Variants in TMEM47 observed in about 807,000 individuals in gnomAD.
The protein encoded by TMEM47 is transmembrane protein 47.
In TMEM47, 3 loss-of-function variants were observed where a neutral mutation model predicts 12.4. The observed-to-expected ratio is 0.24, with a 90% CI of 0.11 to 0.63. TMEM47 has a LOEUF of 0.63. TMEM47 is among the 20% of genes least tolerant of loss of function. TMEM47 has a pLI of 0.86. For missense variants in TMEM47, 89 were observed against 143.8 expected (o/e 0.62, Z 1.95); for synonymous variants, 62 against 63.3 (o/e 0.98, Z 0.10).
chrX:34,627,363 T>G lies in TMEM47; in HGVS notation c.*2950A>C, dbSNP rs1470781806. ...TTACTTTTAAGACAGATGAAATTTC[T>G]AGGCACAGCTTTAGGCATTAAAGAG... On this transcript the variant is annotated 3_prime_UTR_variant, in exon 3 of 3. Transcript: ENST00000275954. 8.9e-6 allele frequency: 1 copy of G among 112,211 alleles called. No individual in the cohort carries two copies. Among genetic ancestry groups the G allele is most frequent in the Non-Finnish European group, 1.9e-5 (1 of 53,133 alleles). The allele number at this position is 112,211 out of a possible 1,213,427, so 9.2% of individuals were successfully genotyped here.
chrX:34,640,947 A>C (rs1472642384), intron 1 of TMEM47, among the ~76,000 whole-genome samples: 1 of 111,403 alleles, frequency 9.0e-6, no homozygotes, highest in African/African-American at 3.3e-5. Context: ...AGTCACAACA[A>C]AGTGGAGAGC....
intron 1 of TMEM47, among the ~76,000 whole-genome samples, chrX:34,644,859 G>T (rs1335636400): frequency 1.8e-5 from 2 of 111,350 alleles, no homozygotes; most frequent in African/African-American, 6.5e-5. Flanking sequence ...ACTCACATTT[G>T]TCAGACTGGC....
intron 1 of TMEM47, among the ~76,000 whole-genome samples, chrX:34,641,092 A>G (rs1162390250): frequency 8.4e-5 from 2 of 23,818 alleles, no homozygotes; most frequent in African/African-American, 4.6e-4. Context: ...TTTGAATTAA[A>G]AAGCCAAAAA....
At position 34,655,932 on chromosome X, in the gene TMEM47, A is replaced by C. The variant is rs372172596; in HGVS notation, c.226+872T>G. Among the ~76,000 whole-genome samples the C allele has an allele frequency of 2.7e-5, 3 of 111,910 alleles. No individual in the cohort carries two copies. The East Asian group carries it at 8.4e-4, about 31-fold the overall frequency. On this transcript the variant is annotated intron_variant, in intron 1 of 2. Coordinates refer to ENST00000275954, the MANE Select transcript of TMEM47 (RefSeq NM_031442.4). The stretch of plus-strand genomic sequence containing the variant: ...AATCATAAGTTGACTGATTTTTGCT[A>C]AGGGCATAACTGGGGCGCCGGGGAA...
intron 1 of TMEM47, among the ~76,000 whole-genome samples, chrX:34,648,938 G>A (rs747974743): frequency 8.9e-6 from 1 of 112,133 alleles, no homozygotes; most frequent in Non-Finnish European, 1.9e-5. Flanking sequence ...ACAAGCATAT[G>A]CATAAAAAGC....
At chrX:34,633,557 C>T (rs772642275) in intron 2 of TMEM47, among the ~76,000 whole-genome samples, 16 of 111,450 alleles carry the variant, frequency 1.4e-4, no homozygotes, top group African/African-American at 2.3e-4. Context: ...TGAACCATAT[C>T]TGGGGTCTAG....
intron 1 of TMEM47, among the ~76,000 whole-genome samples, chrX:34,641,145 GA>G (rs1212888147): frequency 9.1e-6 from 1 of 110,232 alleles, no homozygotes; most frequent in African/African-American, 3.3e-5. Context: ...AATTTCTTGG[GA>G]AAAGTTTACA....
At chrX:34,651,077 C>T (rs1396496115) in intron 1 of TMEM47, among the ~76,000 whole-genome samples, 1 of 111,771 alleles carries the variant, frequency 8.9e-6, no homozygotes, top group African/African-American at 3.3e-5. Flanking sequence ...GCTCCAAACA[C>T]GGCCCAACAG....
At chrX:34,638,360 C>A (rs1010866449) in intron 2 of TMEM47, among the ~76,000 whole-genome samples, 1 of 111,619 alleles carries the variant, frequency 9.0e-6, no homozygotes, top group East Asian at 2.8e-4. Flanking sequence ...CAGTAGGGGG[C>A]AGCAGAACAC....
At chrX:34,638,188 T>C (rs1256680808) in intron 2 of TMEM47, among the ~76,000 whole-genome samples, 4 of 111,266 alleles carry the variant, frequency 3.6e-5, no homozygotes, top group Non-Finnish European at 7.5e-5. Flanking sequence ...TTCAGAAGCC[T>C]CCCAGGCCCA....
At position 34,657,138 on chromosome X, in the gene TMEM47, G is replaced by C. The variant is rs1401352538; in HGVS notation, c.-109C>G. On this transcript the variant is annotated 5_prime_UTR_variant, in exon 1 of 3. Transcript: ENST00000275954. ...GAGAAGCCGCCGAGCTGCCACGCGC[G>C]GGGACTCGCTCCCTCGGGGCTCTGC... 8 of 1,032,844 alleles carry C rather than the reference G, an allele frequency of 7.7e-6. No individual in the cohort carries two copies. The Admixed American group carries it at 1.4e-4, about 19-fold the overall frequency. 85.1% of individuals were successfully genotyped at this position (1,032,844 alleles called of 1,213,427 possible).
At chrX:34,652,634 C>A (rs920181058) in intron 1 of TMEM47, among the ~76,000 whole-genome samples, 1 of 111,560 alleles carries the variant, frequency 9.0e-6, no homozygotes, top group African/African-American at 3.3e-5. Flanking sequence ...TTAAAATGTC[C>A]TTTGTAAAAG....
chrX:34,629,452 G>C lies in TMEM47; in HGVS notation c.*861C>G, dbSNP rs1471326400. ...TACGTGTGATAGGCAAATGTATGTG[G>C]AGGGTTAGGGAACAACTTATTACCA... On this transcript the variant is annotated 3_prime_UTR_variant, in exon 3 of 3. Coordinates refer to ENST00000275954, the MANE Select transcript of TMEM47 (RefSeq NM_031442.4). 1 of 111,850 alleles carries C rather than the reference G, an allele frequency of 8.9e-6. No individual in the cohort carries two copies. The highest frequency in any genetic ancestry group is 1.9e-5 in the Non-Finnish European group (1 of 53,207). The allele number at this position is 111,850 out of a possible 1,213,427, so 9.2% of individuals were successfully genotyped here. A position where few individuals can be genotyped will look rare whatever the true frequency, so the allele number is the denominator to read the frequency against.
rs182373634 is a variant in TMEM47, at chrX:34,628,457, T to C, written c.*1856A>G. Reference sequence around the variant, plus strand: ...TGATGTATTTATTCGCTTTTGTCTATCATTGCTAAAGTAAGACTAAACCTG... The same window carrying C: ...TGATGTATTTATTCGCTTTTGTCTACCATTGCTAAAGTAAGACTAAACCTG... On this transcript the variant is annotated 3_prime_UTR_variant, in exon 3 of 3. Transcript: ENST00000275954. The C allele has an allele frequency of 4.8e-3, 532 of 111,903 alleles. 4 individuals carry two copies. Among genetic ancestry groups the C allele is most frequent in the African/African-American group, 0.016 (493 of 30,806 alleles). 9.2% of individuals were successfully genotyped at this position (111,903 alleles called of 1,213,427 possible).
intron 2 of TMEM47, among the ~76,000 whole-genome samples, chrX:34,636,109 A>C (rs980694094): frequency 8.9e-6 from 1 of 112,124 alleles, no homozygotes; most frequent in African/African-American, 3.2e-5. Flanking sequence ...GGAAATTAAC[A>C]TGTAATCTAA....
intron 2 of TMEM47, among the ~76,000 whole-genome samples, chrX:34,637,902 G>A (rs183502853): frequency 2.7e-4 from 30 of 110,072 alleles, no homozygotes; most frequent in Non-Finnish European, 3.4e-4. Context: ...TTACTCTGTT[G>A]CCAAGGCTGG....
intron 1 of TMEM47, among the ~76,000 whole-genome samples, chrX:34,644,405 G>A (rs749085391): frequency 8.9e-6 from 1 of 112,311 alleles, no homozygotes; most frequent in Non-Finnish European, 1.9e-5. Context: ...TCCAATTGGA[G>A]AATTATCATT....
In TMEM47 at chrX:34,627,761, T is replaced by C. The variant is rs959395360; in HGVS notation, c.*2552A>G. On this transcript the variant is annotated 3_prime_UTR_variant, in exon 3 of 3. Coordinates refer to ENST00000275954, the MANE Select transcript of TMEM47 (RefSeq NM_031442.4). ...ACAATGGGTTTGTGGCTAAAAATTA[T>C]GCTTAAGAACACATCTAACAAACCT... The C allele has an allele frequency of 8.9e-6, 1 of 112,103 alleles. No individual in the cohort carries two copies. The highest frequency in any genetic ancestry group is 3.2e-5 in the African/African-American group (1 of 30,815). The allele number at this position is 112,103 out of a possible 1,213,427, so 9.2% of individuals were successfully genotyped here.
At chrX:34,633,426 T>C in intron 2 of TMEM47, among the ~76,000 whole-genome samples, 1 of 110,856 alleles carries the variant, frequency 9.0e-6, no homozygotes, top group East Asian at 2.9e-4. Context: ...CACAGGAGCA[T>C]ATCTGGTGCA....
Sources: gnomAD v4.1 joint callset for allele counts (sites outside exome capture counted in the v4.1 genomes callset) on GRCh38, gnomAD v4.1.1 for gene constraint, MANE v1.5 for transcripts, NCBI Gene and HGNC (gene_info 2026-07-23, HGNC 2026-07-21) for gene names.